MPDZ: variants seen among roughly 807,000 people sequenced by gnomAD.
The protein encoded by MPDZ is multiple PDZ domain protein.
MPDZ carries 234 observed loss-of-function variants against 239.1 expected under a neutral mutation model. The ratio of observed to expected loss-of-function variants is 0.98; its 90% CI spans 0.88 to 1.09. The LOEUF is 1.09. MPDZ is among the 50% of genes least tolerant of loss of function. MPDZ has a pLI of 0.00. For missense variants in MPDZ, 3,175 were observed against 2,510.0 expected, an observed-to-expected ratio of 1.26 and a Z score of -5.66; for synonymous variants, 1,048 against 881.3, an observed-to-expected ratio of 1.19 and a Z score of -3.35.
chr9:13,206,130 C>T, intron 10 of MPDZ, 31 bp from the exon 11 acceptor site: 1 of 1,517,850 alleles, frequency 6.6e-7, no homozygotes, highest in Admixed American at 2.1e-5. Context: ...AAGCATGTTA[C>T]ATGTTAAATA....
chr9:13,264,643 C>T (rs1042193439), intron 1 of MPDZ, among the ~76,000 whole-genome samples: 4 of 150,328 alleles, frequency 2.7e-5, no homozygotes, highest in Non-Finnish European at 5.9e-5. Flanking sequence ...CCCATTAACC[C>T]TCACCCATAA....
At chr9:13,143,385 C>G in intron 27 of MPDZ, 81 bp downstream of exon 27, 1 of 1,070,074 alleles carries the variant, frequency 9.3e-7, no homozygotes, top group Non-Finnish European at 1.4e-6. Flanking sequence ...AAATAGTGAA[C>G]TGGGACAAAG....
intron 19 of MPDZ, among the ~76,000 whole-genome samples, chr9:13,182,562 A>G (rs909675933): frequency 6.6e-6 from 1 of 152,104 alleles, no homozygotes; most frequent in African/African-American, 2.4e-5. Context: ...TTTCCAAAAA[A>G]CAACTGCAAA....
In MPDZ at chr9:13,106,687, C is replaced by T. The variant is rs1342787116; in HGVS notation, c.*278G>A. The stretch of plus-strand genomic sequence containing the variant: ...CATGTAATAATTCTTGCCCATGTGA[C>T]TACAAAACATTAGATATCTCCACAA... On this transcript the variant is annotated 3_prime_UTR_variant, in exon 47 of 47. Transcript: ENST00000319217. The T allele has an allele frequency of 3.1e-6, 1 of 325,622 alleles. No individual in the cohort carries two copies. Among genetic ancestry groups the T allele is most frequent in the African/African-American group, 2.1e-5 (1 of 48,454 alleles). 20.2% of individuals were successfully genotyped at this position (325,622 alleles called of 1,614,324 possible). A position where few individuals can be genotyped will look rare whatever the true frequency, so the allele number is the denominator to read the frequency against.
At chr9:13,266,433 C>T (rs1200314796) in intron 1 of MPDZ, among the ~76,000 whole-genome samples, 2 of 152,208 alleles carry the variant, frequency 1.3e-5, no homozygotes, top group African/African-American at 2.4e-5. Context: ...GGCTTGTGAA[C>T]AATCACATTC....
chr9:13,113,477 T>C (rs1586879839), intron 41 of MPDZ, among the ~76,000 whole-genome samples: 1 of 152,144 alleles, frequency 6.6e-6, no homozygotes, highest in African/African-American at 2.4e-5. Context: ...TTTCTTCAAT[T>C]TGAACAACTC....
At chr9:13,186,500 G>A in intron 17 of MPDZ, 114 bp from the exon 18 acceptor site, 1 of 694,742 alleles carries the variant, frequency 1.4e-6, no homozygotes, top group South Asian at 1.8e-5. Context: ...GAAAGAAATT[G>A]GAAAGTTTTC....
rs116333736 is a variant in MPDZ, at chr9:13,265,280, G to A, written c.-58+14120C>T. ...ATGAGCCCAGGTCGACTGTGTCCTG[G>A]GCAGGTCGACCGTGCATTTGGGCTC... On this transcript the variant is annotated intron_variant, in intron 1 of 46. Coordinates refer to ENST00000319217, the MANE Select transcript of MPDZ (RefSeq NM_001378778.1). Among the ~76,000 whole-genome samples the A allele has an allele frequency of 5.0e-3, 755 of 152,246 alleles. 10 individuals carry two copies. The highest frequency in any genetic ancestry group is 0.017 in the African/African-American group (710 of 41,546).
intron 1 of MPDZ, among the ~76,000 whole-genome samples, chr9:13,267,983 C>T (rs1485638907): frequency 6.6e-6 from 1 of 152,112 alleles, no homozygotes; most frequent in Non-Finnish European, 1.5e-5. Context: ...GTCTGAGTCA[C>T]TTTCCTTGTG....
At chr9:13,159,164 T>G (rs1004138977) in intron 23 of MPDZ, among the ~76,000 whole-genome samples, 1 of 152,196 alleles carries the variant, frequency 6.6e-6, no homozygotes, top group Non-Finnish European at 1.5e-5. Context: ...GTCATCCATC[T>G]GAGCTTGAAT....
rs371081479 is a variant in MPDZ, at chr9:13,138,115, G to A, written c.4042C>T (p.Leu1348=). ...CCTTTCTCCAGTTCAATCATATGCA[G>A]CTCGCCTGTTAGGGTTCCATAACGC... ...RERYGTLTGE[L]HMIELEKGHS... The change falls in exon 29 of 47, where the codon CTG becomes TTG. Residue 1348 remains leucine (L), a synonymous_variant. Transcript: ENST00000319217. 1.9e-6 allele frequency: 3 copies of A among 1,604,126 alleles called. No individual in the cohort carries two copies. Among genetic ancestry groups the A allele is most frequent in the Non-Finnish European group, 2.6e-6 (3 of 1,174,842 alleles).
intron 3 of MPDZ, among the ~76,000 whole-genome samples, chr9:13,236,782 G>C (rs1025934758): frequency 4.6e-5 from 7 of 151,396 alleles, no homozygotes; most frequent in African/African-American, 1.7e-4. Flanking sequence ...TTTCATTATT[G>C]TTATCAAAAA....
At chr9:13,156,921 C>T (rs1366163635) in intron 24 of MPDZ, among the ~76,000 whole-genome samples, 1 of 152,078 alleles carries the variant, frequency 6.6e-6, no homozygotes, top group Non-Finnish European at 1.5e-5. Flanking sequence ...GTAGGCAGCA[C>T]TATAGAGAGC....
At chr9:13,272,485 T>G (rs1973201681) in intron 1 of MPDZ, among the ~76,000 whole-genome samples, 1 of 151,808 alleles carries the variant, frequency 6.6e-6, no homozygotes, top group Non-Finnish European at 1.5e-5. Flanking sequence ...CCCAGAAAAC[T>G]GTGAATGTGA....
At chr9:13,117,827 T>C (rs1212518502) in intron 39 of MPDZ, among the ~76,000 whole-genome samples, 2 of 151,598 alleles carry the variant, frequency 1.3e-5, no homozygotes, top group Non-Finnish European at 2.9e-5. Context: ...GTGTTCATTA[T>C]ATACTTTCAG....
intron 10 of MPDZ, among the ~76,000 whole-genome samples, chr9:13,215,251 TGTCCTCAAG>T (rs1958146701): frequency 6.6e-6 from 1 of 151,838 alleles, no homozygotes; most frequent in Non-Finnish European, 1.5e-5. Flanking sequence ...CTTAGCATAA[TGTCCTCAAG>T]GTTTTTCAGT....
At chr9:13,204,950 C>T (rs929447527) in intron 12 of MPDZ, 86 bp downstream of exon 12, 1 of 859,286 alleles carries the variant, frequency 1.2e-6, no homozygotes, top group African/African-American at 1.8e-5. Flanking sequence ...TACAATATAT[C>T]CATAGAGGCT....
At chr9:13,118,630 A>C (rs1164932127) in intron 39 of MPDZ, among the ~76,000 whole-genome samples, 2 of 152,236 alleles carry the variant, frequency 1.3e-5, no homozygotes, top group Admixed American at 6.5e-5. Context: ...AGGTTAAAAA[A>C]ACAAAACAAG....
chr9:13,210,342 G>A (rs1039314960), intron 10 of MPDZ, among the ~76,000 whole-genome samples: 3 of 151,568 alleles, frequency 2.0e-5, no homozygotes, highest in Non-Finnish European at 4.4e-5. Flanking sequence ...TAAACTAGGT[G>A]GTAAAGAACT....
Sources: gnomAD v4.1 joint callset for allele counts (sites outside exome capture counted in the v4.1 genomes callset) on GRCh38, gnomAD v4.1.1 for gene constraint, MANE v1.5 for transcripts, NCBI Gene and HGNC (gene_info 2026-07-23, HGNC 2026-07-21) for gene names.